The following UBA3 variants were observed in gnomAD, a reference collection of about 807,000 sequenced individuals.
The protein encoded by UBA3 is ubiquitin like modifier activating enzyme 3, also known as NEDD8-activating enzyme E1 catalytic subunit.
A neutral mutation model predicts 73.5 loss-of-function variants in UBA3; 26 were observed. The observed-to-expected ratio is 0.35, with a 90% CI of 0.26 to 0.49. The LOEUF (loss-of-function observed/expected upper bound fraction) is 0.49, where lower values mean the gene tolerates loss of function less well. Ranked by LOEUF, UBA3 falls within the 20% of genes least tolerant of loss-of-function variation. The pLI is 0.98. For synonymous variants in UBA3, 217 were observed against 191.2 expected (o/e 1.13, Z -1.11); for missense variants, 495 against 555.6 (o/e 0.89, Z 1.10).
intron 2 of UBA3, among the ~76,000 whole-genome samples, chr3:69,078,716 G>T (rs747020089): frequency 1.3e-5 from 2 of 152,028 alleles, no homozygotes; most frequent in African/African-American, 2.4e-5. Context: ...CAAGTAATCC[G>T]TCCACCTCGG....
At chr3:69,060,355 A>G (rs2092011827) in intron 11 of UBA3, among the ~76,000 whole-genome samples, 1 of 152,186 alleles carries the variant, frequency 6.6e-6, no homozygotes, top group African/African-American at 2.4e-5. Flanking sequence ...TAGCAATTGC[A>G]TATGTGGACA....
chr3:69,076,568 C>CT (rs199513758), intron 3 of UBA3: 12,285 of 148,180 alleles, frequency 0.083, 667 homozygotes, highest in Non-Finnish European at 0.12. Context: ...GTAACAGCTG[C>CT]TTTTTTTTTT....
rs1284157376 is a variant in UBA3, at chr3:69,056,233, T to C, written c.1134A>G (p.Pro378=). Residue 378 remains proline, a synonymous_variant, in exon 15 of 18, where the codon CCA becomes CCG. Transcript: ENST00000361055. ...SQLPQNIQFS[P]SAKLQEVLDY... is the part of the protein sequence containing the mutation. ...CCAAAACCTCCTGTAGTTTAGCTGA[T>C]GGAGAAAACTGAATATTTTGAGGAA... The C allele has an allele frequency of 1.9e-6, 3 of 1,604,944 alleles. No individual in the cohort carries two copies. Among genetic ancestry groups the C allele is most frequent in the Non-Finnish European group, 2.5e-6 (3 of 1,177,474 alleles).
At chr3:69,063,179 A>C (rs1187696719) in intron 8 of UBA3, 42 bp from the exon 9 acceptor site, 1 of 1,604,344 alleles carries the variant, frequency 6.2e-7, no homozygotes, top group East Asian at 2.2e-5. Flanking sequence ...GAAGGGGATA[A>C]GAATTCAAAA....
intron 3 of UBA3, among the ~76,000 whole-genome samples, chr3:69,077,148 G>A (rs1225550234): frequency 6.7e-6 from 1 of 148,986 alleles, no homozygotes; most frequent in Non-Finnish European, 1.5e-5. Context: ...GTTCTGCCCA[G>A]CATTAAAGGA....
chr3:69,068,690 C>T (rs987929927), intron 5 of UBA3, among the ~76,000 whole-genome samples: 6 of 152,188 alleles, frequency 3.9e-5, no homozygotes, highest in Admixed American at 1.3e-4. Context: ...TCAAGCAATT[C>T]TCATGCCTCA....
rs2091965224 is a variant in UBA3 at position 69,055,533 on chromosome 3, A to G, written c.1304-8T>C. ...CATCAACAAGCCCCAATTCTAAAAC[A>G]GAAAAAATATTATTAATACAAGCAA... On this transcript the variant is annotated splice_region_variant and splice_polypyrimidine_tract_variant and intron_variant, in intron 17 of 17. Coordinates refer to ENST00000361055, the MANE Select transcript of UBA3 (RefSeq NM_003968.4). The G allele has an allele frequency of 1.3e-6, 2 of 1,577,006 alleles. No individual in the cohort carries two copies. The highest frequency in any genetic ancestry group is 1.7e-6 in the Non-Finnish European group (2 of 1,168,308).
Position 69,063,095 on chromosome 3 carries a change from A to G in UBA3, c.580T>C (p.Ser194Pro). ...NYEDGVLDPS[S>P]IVPLIDGGTE... ...CCCCCATCTATCAAAGGGACAATGG[A>G]GCTTGGATCTAAGACACCATCTTCA... The change falls in exon 9 of 18, where the codon TCC (serine) becomes CCC (proline). Residue 194 changes from serine to proline, a missense_variant. Ser to Pro is a moderately conservative substitution (Grantham distance 74). Transcript: ENST00000361055. 6.2e-7 allele frequency: 1 copy of G among 1,614,024 alleles called. No individual in the cohort carries two copies. The highest frequency in any genetic ancestry group is 8.5e-7 in the Non-Finnish European group (1 of 1,179,966).
In UBA3 at chr3:69,056,668, A is replaced by C. The variant is rs2091976502; in HGVS notation, c.1027T>G (p.Leu343Val). 1.2e-6 allele frequency: 2 copies of C among 1,613,534 alleles called. No homozygotes were observed. Among genetic ancestry groups the C allele is most frequent in the Non-Finnish European group, 1.7e-6 (2 of 1,179,622 alleles). Residue 343 changes from leucine (L) to valine (V), a missense_variant, in exon 14 of 18, where the codon TTG (leucine) becomes GTG (valine). Physicochemically the swap from Leu to Val is conservative, Grantham distance 32 (BLOSUM62 1). Transcript: ENST00000361055. The part of the protein sequence containing the change: ...TSAYIPLNNY[L>V]VFNDVDGLYT... Reference sequence around the variant, plus strand: ...AGCCCATCTACATCATTAAACACCAAGTAATTATTCAAGGGAATGTATGCA... The same window carrying C: ...AGCCCATCTACATCATTAAACACCACGTAATTATTCAAGGGAATGTATGCA...
At chr3:69,059,346 G>C (rs2092003028) in intron 11 of UBA3, among the ~76,000 whole-genome samples, 1 of 152,170 alleles carries the variant, frequency 6.6e-6, no homozygotes, top group Non-Finnish European at 1.5e-5. Flanking sequence ...CAATGGCAAT[G>C]GTCCTGGTCC....
chr3:69,059,063 T>A (rs1031399989), intron 11 of UBA3, among the ~76,000 whole-genome samples: 1 of 152,210 alleles, frequency 6.6e-6, no homozygotes, highest in Non-Finnish European at 1.5e-5. Context: ...CTAGGTGTTG[T>A]GCATAGTAAC....
At chr3:69,078,132 T>C (rs1169764289) in intron 2 of UBA3, among the ~76,000 whole-genome samples, 5 of 152,260 alleles carry the variant, frequency 3.3e-5, no homozygotes, top group African/African-American at 1.2e-4. Flanking sequence ...CTATTTTTAT[T>C]TCACCCAATG....
chr3:69,073,946 T>C (rs150504172), intron 4 of UBA3, among the ~76,000 whole-genome samples: 1 of 151,738 alleles, frequency 6.6e-6, no homozygotes, highest in East Asian at 1.9e-4. Flanking sequence ...CCCAGTCTAG[T>C]ATCATATTCT....
intron 2 of UBA3, 133 bp from the exon 3 acceptor site, chr3:69,078,051 G>C (rs1025444839): frequency 7.6e-6 from 9 of 1,190,850 alleles, no homozygotes; most frequent in Admixed American, 2.7e-5. Flanking sequence ...TATTCAATGT[G>C]ATTATGTTTA....
At chr3:69,080,236 G>A (rs1239233950) in intron 1 of UBA3, 83 bp from the exon 2 acceptor site, 13 of 1,523,876 alleles carry the variant, frequency 8.5e-6, no homozygotes, top group Admixed American at 1.9e-5. Context: ...GACGGGGCGG[G>A]GGGTGTGGGG....
intron 4 of UBA3, among the ~76,000 whole-genome samples, chr3:69,073,748 G>A (rs550819068): frequency 6.7e-6 from 1 of 150,256 alleles, no homozygotes; most frequent in Non-Finnish European, 1.5e-5. Flanking sequence ...CCACTCTCTC[G>A]CCTCAGCCTC....
At chr3:69,056,310 C>T in intron 14 of UBA3, 27 bp from the exon 15 acceptor site, 1 of 1,483,828 alleles carries the variant, frequency 6.7e-7, no homozygotes, top group Non-Finnish European at 9.1e-7. Context: ...CAACAAATTA[C>T]AGCAGCACAT....
Position 69,056,868 on chromosome 3 carries a change from T to A in UBA3, c.965-53A>T, listed in dbSNP as rs1420537062. ...TTAACTCAATGGAAATTAGGCATGT[T>A]AAAAGTCAGTTATAAATCAGAACAG... is the stretch of plus-strand genomic sequence containing the variant. On this transcript the variant is annotated intron_variant, in intron 12 of 17. Transcript: ENST00000361055. The A allele has an allele frequency of 1.2e-5, 18 of 1,561,296 alleles. No individual in the cohort carries two copies. In the Admixed American group the frequency reaches 3.3e-4, roughly 29 times the overall value.
At chr3:69,077,576 C>T in intron 3 of UBA3, 1 of 428,662 alleles carries the variant, frequency 2.3e-6, no homozygotes, top group Non-Finnish European at 4.0e-6. Flanking sequence ...TTAGATTTTT[C>T]TCACAAAAAT....
Sources: allele counts gnomAD v4.1 joint callset (sites outside exome capture counted in the v4.1 genomes callset), GRCh38; gene constraint gnomAD v4.1.1; transcripts MANE v1.5; gene names NCBI Gene and HGNC (gene_info 2026-07-23, HGNC 2026-07-21).